Variants in FAM110B observed in about 807,000 individuals in gnomAD.
FAM110B encodes the protein protein FAM110B.
A neutral mutation model predicts 20.4 loss-of-function variants in FAM110B; 6 were observed. The ratio of observed to expected loss-of-function variants is 0.29; its 90% CI spans 0.16 to 0.58. The LOEUF is 0.58. Among genes scored for constraint, FAM110B ranks in the 20% least tolerant of loss-of-function variants. The pLI is 0.90. For synonymous variants in FAM110B, 226 were observed against 214.1 expected, an observed-to-expected ratio of 1.06 and a Z score of -0.49; for missense variants, 434 against 498.2, an observed-to-expected ratio of 0.87 and a Z score of 1.23.
Position 58,146,692 on chromosome 8 carries a change from G to GC in FAM110B, c.463dup (p.His155ProfsTer65). ...CCCACCGGTCGGAAGCCACTGACCTGCACCGTCACTCCTTCGCGGAGTCCC... is the reference window on the plus strand; with the variant it reads ...CCCACCGGTCGGAAGCCACTGACCTGCCACCGTCACTCCTTCGCGGAGTCCC... On this transcript the variant is annotated frameshift_variant, in exon 4 of 4. Transcript: ENST00000519262. LOFTEE classifies it high-confidence loss of function. 1 of 1,612,686 alleles carries GC rather than the reference G, an allele frequency of 6.2e-7. No homozygotes were observed. Among genetic ancestry groups the GC allele is most frequent in the Non-Finnish European group, 8.5e-7 (1 of 1,179,528 alleles).
intron 3 of FAM110B, among the ~76,000 whole-genome samples, chr8:58,111,336 A>G (rs918061464): frequency 1.9e-4 from 29 of 152,228 alleles, no homozygotes; most frequent in African/African-American, 7.0e-4. Context: ...TTTTTGGCTT[A>G]TATTCCTGTG....
chr8:58,082,411 T>C (rs1806220345), intron 3 of FAM110B, among the ~76,000 whole-genome samples: 1 of 152,220 alleles, frequency 6.6e-6, no homozygotes, highest in East Asian at 1.9e-4. Context: ...GTTCAGATTC[T>C]CCCTCCCATG....
chr8:58,142,197 T>G (rs2150643448), intron 3 of FAM110B, among the ~76,000 whole-genome samples: 1 of 152,364 alleles, frequency 6.6e-6, no homozygotes, highest in Middle Eastern at 3.4e-3. Flanking sequence ...AACTTTGGCC[T>G]GTTTCCTCTG....
At chr8:58,091,559 G>C (rs1022482308) in intron 3 of FAM110B, 3 of 152,026 alleles carry the variant, frequency 2.0e-5, no homozygotes, top group African/African-American at 7.2e-5. Context: ...AGCATAATGA[G>C]ATCTGTGGAT....
intron 1 of FAM110B, among the ~76,000 whole-genome samples, chr8:58,025,378 CAAG>C (rs1035669339): frequency 2.0e-5 from 3 of 152,054 alleles, no homozygotes; most frequent in Non-Finnish European, 4.4e-5. Flanking sequence ...AGTGGGAAGG[CAAG>C]AAGAAGCATG....
At chr8:58,073,523 A>T (rs1805954690) in intron 2 of FAM110B, among the ~76,000 whole-genome samples, 1 of 152,206 alleles carries the variant, frequency 6.6e-6, no homozygotes, top group African/African-American at 2.4e-5. Flanking sequence ...TCTCCCTGCT[A>T]ACTCTTCTCA....
chr8:58,082,785 G>A (rs755551582), intron 3 of FAM110B, among the ~76,000 whole-genome samples: 6 of 151,954 alleles, frequency 3.9e-5, no homozygotes, highest in South Asian at 4.2e-4. Flanking sequence ...CGAGATCAGC[G>A]TGGGCAACAC....
At chr8:58,056,884 G>A (rs1805556814) in intron 2 of FAM110B, among the ~76,000 whole-genome samples, 1 of 152,164 alleles carries the variant, frequency 6.6e-6, no homozygotes, top group Non-Finnish European at 1.5e-5. Context: ...AACTCTGCGT[G>A]CATGTTCTCT....
chr8:58,103,146 C>CAGA (rs1425852112), intron 3 of FAM110B, among the ~76,000 whole-genome samples: 3 of 151,968 alleles, frequency 2.0e-5, no homozygotes, highest in Non-Finnish European at 2.9e-5. Flanking sequence ...GCAATATGTA[C>CAGA]AGAAGGGCAT....
In FAM110B at chr8:58,144,030, T is replaced by C. The variant is rs145990464; in HGVS notation, c.-324-1877T>C. Among the ~76,000 whole-genome samples, 44 of 152,322 alleles carry C rather than the reference T, an allele frequency of 2.9e-4. No individual in the cohort carries two copies. In the East Asian group the frequency reaches 6.2e-3, roughly 21 times the overall value. ...CTCACGATTTTACAGTACGAAGGGA[T>C]TGAAGGAATCTTGTCCAACTAACTC... On this transcript the variant is annotated intron_variant, in intron 3 of 3. Coordinates refer to ENST00000519262, the MANE Select transcript of FAM110B (RefSeq NM_001377989.1).
intron 3 of FAM110B, among the ~76,000 whole-genome samples, chr8:58,142,806 A>C (rs759369387): frequency 5.3e-5 from 8 of 152,216 alleles, no homozygotes; most frequent in Non-Finnish European, 1.2e-4. Context: ...GGATCAGGCA[A>C]GGCTATATAA....
At chr8:58,010,200 T>A (rs941347723) in intron 1 of FAM110B, among the ~76,000 whole-genome samples, 2 of 151,182 alleles carry the variant, frequency 1.3e-5, no homozygotes, top group African/African-American at 4.9e-5. Context: ...TTTTTTTTTT[T>A]AAGTATAGAC....
rs566021677 is a variant in FAM110B at position 58,148,508 on chromosome 8, TC to T, written c.*1169del. ...GTCTCTAGTGCTGCCTATCAACTTG[TC>T]CCCTTTTTTCCCAATAACCTGTCTT... On this transcript the variant is annotated 3_prime_UTR_variant, in exon 4 of 4. Coordinates refer to ENST00000519262, the MANE Select transcript of FAM110B (RefSeq NM_001377989.1). 244 of 167,222 alleles carry T rather than the reference TC, an allele frequency of 1.5e-3. No individual in the cohort carries two copies. The highest frequency in any genetic ancestry group is 5.7e-3 in the African/African-American group (235 of 41,568). The allele number at this position is 167,222 out of a possible 1,614,324, so 10.4% of individuals were successfully genotyped here.
At chr8:58,061,839 G>T (rs960690355) in intron 2 of FAM110B, among the ~76,000 whole-genome samples, 2 of 152,158 alleles carry the variant, frequency 1.3e-5, no homozygotes, top group South Asian at 4.1e-4. Flanking sequence ...CATCACCAGG[G>T]ATTTACACTC....
chr8:58,109,596 C>G (rs1239110852), intron 3 of FAM110B, among the ~76,000 whole-genome samples: 1 of 152,132 alleles, frequency 6.6e-6, no homozygotes, highest in African/African-American at 2.4e-5. Context: ...GTTGATGTTC[C>G]TGTGGCTTAT....
In FAM110B at chr8:58,147,084, C is replaced by G. The variant is rs777319456; in HGVS notation, c.854C>G (p.Pro285Arg). ...ERFFNYCGLD[P>R]EELENLGMEN... Reference sequence around the variant, plus strand: ...TTCTTCAACTACTGTGGACTGGACCCGGAAGAGCTGGAAAACCTGGGAATG... The same window carrying G: ...TTCTTCAACTACTGTGGACTGGACCGGGAAGAGCTGGAAAACCTGGGAATG... Residue 285 changes from proline to arginine, a missense_variant, in exon 4 of 4, where the codon CCG (proline) becomes CGG (arginine). By Grantham distance (103) the Pro-to-Arg change is moderately radical (BLOSUM62 -2). This residue lies in a region of FAM110B where 94 missense variants were observed against 137.8 expected (regional missense o/e 0.68). Transcript: ENST00000519262. The G allele has an allele frequency of 3.7e-6, 6 of 1,614,148 alleles. No homozygotes were observed. In the Admixed American group the frequency reaches 1.0e-4, roughly 27 times the overall value.
intron 1 of FAM110B, among the ~76,000 whole-genome samples, chr8:58,016,794 G>T (rs1387282624): frequency 6.6e-6 from 1 of 152,188 alleles, no homozygotes; most frequent in Non-Finnish European, 1.5e-5. Flanking sequence ...AGCAGCATGG[G>T]CACAGCCTGA....
chr8:58,000,561 C>T (rs1047577942), intron 1 of FAM110B, among the ~76,000 whole-genome samples: 4 of 152,138 alleles, frequency 2.6e-5, no homozygotes, highest in African/African-American at 9.7e-5. Flanking sequence ...TATCTTCAAT[C>T]CTTTTGTAGA....
intron 1 of FAM110B, among the ~76,000 whole-genome samples, chr8:57,996,802 T>C (rs905444416): frequency 5.3e-5 from 8 of 152,226 alleles, no homozygotes; most frequent in Admixed American, 1.3e-4. Flanking sequence ...TAAAAGATGA[T>C]AAAAGATAAA....
Sources: gnomAD v4.1 joint callset for allele counts (sites outside exome capture counted in the v4.1 genomes callset) on GRCh38, gnomAD v4.1.1 for gene constraint, gnomAD v4.1.1 regional missense constraint, MANE v1.5 for transcripts, NCBI Gene and HGNC (gene_info 2026-07-23, HGNC 2026-07-21) for gene names.